The following CDH13 variants were observed in gnomAD, a reference collection of about 807,000 sequenced individuals.
CDH13 encodes the protein cadherin 13.
Under a neutral mutation model 63.8 loss-of-function variants are expected in CDH13, and 24 were observed. The ratio of observed to expected loss-of-function variants is 0.38; its 90% CI spans 0.27 to 0.53. The LOEUF (loss-of-function observed/expected upper bound fraction) is 0.53, where lower values mean the gene tolerates loss of function less well. Among genes scored for constraint, CDH13 ranks in the 20% least tolerant of loss-of-function variants. The pLI is 0.85. For synonymous variants in CDH13, 503 were observed against 355.3 expected (o/e 1.42, Z -4.67); for missense variants, 1,049 against 903.1 (o/e 1.16, Z -2.07).
intron 4 of CDH13, among the ~76,000 whole-genome samples, chr16:83,193,730 C>A (rs2038793766): frequency 1.3e-5 from 2 of 152,204 alleles, no homozygotes; most frequent in African/African-American, 4.8e-5. Flanking sequence ...TCTGCATCTT[C>A]ACCAAGGAGT....
At chr16:82,972,057 A>G (rs1334966353) in intron 2 of CDH13, among the ~76,000 whole-genome samples, 1 of 152,204 alleles carries the variant, frequency 6.6e-6, no homozygotes, top group Non-Finnish European at 1.5e-5. Flanking sequence ...CCAGATATGT[A>G]CAGATGGATT....
intron 7 of CDH13, among the ~76,000 whole-genome samples, chr16:83,492,436 T>A (rs1382410478): frequency 6.6e-6 from 1 of 152,214 alleles, no homozygotes; most frequent in Non-Finnish European, 1.5e-5. Flanking sequence ...GATAGTAGCA[T>A]CCTCACAATT....
At chr16:83,187,951 A>G (rs2038577408) in intron 4 of CDH13, among the ~76,000 whole-genome samples, 1 of 152,146 alleles carries the variant, frequency 6.6e-6, no homozygotes, top group Admixed American at 6.5e-5. Flanking sequence ...AGCATCCTCG[A>G]TAAAAGGAAC....
At chr16:83,248,762 C>A (rs975009839) in intron 5 of CDH13, among the ~76,000 whole-genome samples, 1 of 152,152 alleles carries the variant, frequency 6.6e-6, no homozygotes, top group Non-Finnish European at 1.5e-5. Flanking sequence ...TGTTCCCTCA[C>A]AATCTTAACC....
intron 7 of CDH13, among the ~76,000 whole-genome samples, chr16:83,493,569 GGGA>G (rs1204360769): frequency 1.3e-5 from 2 of 152,168 alleles, no homozygotes; most frequent in Admixed American, 1.3e-4. Flanking sequence ...GGGCATCGTG[GGGA>G]AAGGAGTGGC....
At chr16:83,209,193 A>G (rs2039266222) in intron 4 of CDH13, among the ~76,000 whole-genome samples, 1 of 152,178 alleles carries the variant, frequency 6.6e-6, no homozygotes, top group South Asian at 2.1e-4. Context: ...TGCAGTTTAT[A>G]TAGCATTTTC....
intron 7 of CDH13, among the ~76,000 whole-genome samples, chr16:83,582,876 A>G (rs1905756734): frequency 6.6e-6 from 1 of 152,266 alleles, no homozygotes; most frequent in African/African-American, 2.4e-5. Flanking sequence ...TCCACTGAGC[A>G]GAATGGCCAT....
intron 10 of CDH13, among the ~76,000 whole-genome samples, chr16:83,686,258 C>T (rs1904314037): frequency 6.6e-6 from 1 of 152,216 alleles, no homozygotes. Context: ...CAATCCTTGA[C>T]ATCATTGTCC....
chr16:83,254,385 C>A (rs1453498793), intron 5 of CDH13, among the ~76,000 whole-genome samples: 2 of 152,130 alleles, frequency 1.3e-5, no homozygotes, highest in Non-Finnish European at 2.9e-5. Context: ...GATTGAGGAA[C>A]CTGTTTGAGA....
intron 11 of CDH13, among the ~76,000 whole-genome samples, chr16:83,778,643 A>C (rs989055759): frequency 6.6e-6 from 1 of 152,226 alleles, no homozygotes; most frequent in East Asian, 1.9e-4. Context: ...ATCAGGAAAA[A>C]AACAAGGCTT....
At chr16:83,628,127 A>G (rs887129062) in intron 8 of CDH13, among the ~76,000 whole-genome samples, 7 of 152,156 alleles carry the variant, frequency 4.6e-5, no homozygotes, top group South Asian at 2.1e-4. Flanking sequence ...CATGACCTGT[A>G]TCCTGTGCCA....
chr16:82,940,746 T>G (rs1265863868), intron 2 of CDH13, among the ~76,000 whole-genome samples: 1 of 152,166 alleles, frequency 6.6e-6, no homozygotes, highest in Admixed American at 6.5e-5. Flanking sequence ...ACAGGCCCTA[T>G]TCCTACTAAT....
chr16:83,427,143 T>C (rs1244646363), intron 6 of CDH13, among the ~76,000 whole-genome samples: 1 of 151,844 alleles, frequency 6.6e-6, no homozygotes, highest in African/African-American at 2.4e-5. Context: ...CTCTATCTTC[T>C]GACCTGGTGA....
At chr16:83,729,388 C>T (rs1910789566) in intron 10 of CDH13, among the ~76,000 whole-genome samples, 1 of 152,036 alleles carries the variant, frequency 6.6e-6, no homozygotes, top group Non-Finnish European at 1.5e-5. Context: ...TATTACTAGT[C>T]TTTTTATTGC....
intron 1 of CDH13, among the ~76,000 whole-genome samples, chr16:82,679,010 C>T (rs61187981): frequency 0.024 from 3,637 of 152,152 alleles, 94 homozygotes; most frequent in African/African-American, 0.075. Context: ...AGTTGATCAC[C>T]GCTGTGGGCA....
chr16:83,759,936 T>C (rs111522188), intron 11 of CDH13, among the ~76,000 whole-genome samples: 2 of 133,376 alleles, frequency 1.5e-5, no homozygotes, highest in African/African-American at 2.8e-5. Context: ...TCAAAACCAA[T>C]AAAAAAAAAA....
chr16:82,762,759 A>G (rs1326163753), intron 1 of CDH13, among the ~76,000 whole-genome samples: 1 of 152,210 alleles, frequency 6.6e-6, no homozygotes, highest in African/African-American at 2.4e-5. Context: ...TGTTGGAGAA[A>G]GAGGAAGAGA....
rs372445890 is a variant in CDH13 at position 83,678,292 on chromosome 16, G to A, written c.1369G>A (p.Gly457Ser). ...CCCACTCGTACCCGACGTCTCCTAC[G>A]GCCCCAGCTCCACAGCCACCGTCCA... ...EDPLVPDVSY[G>S]PSSTATVHIT... The change falls in exon 10 of 14, where the codon GGC becomes AGC. Residue 457 changes from glycine (G) to serine (S), a missense_variant. Gly to Ser is a moderately conservative substitution (Grantham distance 56). Coordinates refer to ENST00000567109, the MANE Select transcript of CDH13 (RefSeq NM_001257.5). The A allele has an allele frequency of 2.1e-5, 34 of 1,613,774 alleles. No homozygotes were observed. Among genetic ancestry groups the A allele is most frequent in the African/African-American group, 9.3e-5 (7 of 74,876 alleles).
At chr16:83,583,260 A>G (rs1261208773) in intron 7 of CDH13, among the ~76,000 whole-genome samples, 2 of 152,166 alleles carry the variant, frequency 1.3e-5, no homozygotes, top group Non-Finnish European at 2.9e-5. Flanking sequence ...TAACTTAATT[A>G]CATCTGCAGA....
Sources: gnomAD v4.1 joint callset for allele counts (sites outside exome capture counted in the v4.1 genomes callset) on GRCh38, gnomAD v4.1.1 for gene constraint, MANE v1.5 for transcripts, NCBI Gene and HGNC (gene_info 2026-07-23, HGNC 2026-07-21) for gene names.